Variants in FBN3 observed in about 807,000 individuals in gnomAD.
FBN3 encodes the protein fibrillin 3.
Under a neutral mutation model 330.1 loss-of-function variants are expected in FBN3, and 234 were observed. The observed-to-expected ratio is 0.71, with a 90% CI of 0.64 to 0.79. The LOEUF (loss-of-function observed/expected upper bound fraction) is 0.79, where lower values mean the gene tolerates loss of function less well. FBN3 is among the 30% of genes least tolerant of loss of function. FBN3 has a pLI of 0.00. For synonymous variants in FBN3, 1,458 were observed against 1,517.3 expected (o/e 0.96, Z 0.91); for missense variants, 3,606 against 3,886.9 (o/e 0.93, Z 1.92).
chr19:8,082,160 G>A (rs1220372114), intron 57 of FBN3, among the ~76,000 whole-genome samples: 3 of 151,672 alleles, frequency 2.0e-5, no homozygotes, highest in Non-Finnish European at 4.4e-5. Flanking sequence ...TAGTAGAGAC[G>A]GTTTCATGAT....
intron 2 of FBN3, 46 bp downstream of exon 2, chr19:8,147,268 C>A (rs780385977): frequency 1.1e-5 from 17 of 1,568,628 alleles, no homozygotes; most frequent in Non-Finnish European, 1.5e-5. Flanking sequence ...CCAGGACAGC[C>A]CAATCCACAC....
At chr19:8,094,327 G>A (rs2082162141) in intron 47 of FBN3, 119 bp downstream of exon 47, 2 of 1,079,744 alleles carry the variant, frequency 1.9e-6, no homozygotes, top group Non-Finnish European at 2.6e-6. Flanking sequence ...AGCTGTGTTT[G>A]ACGCTGCGTT....
At position 8,085,424 on chromosome 19, in the gene FBN3, G is replaced by T; in HGVS notation, c.7026C>A (p.Pro2342=). The T allele has an allele frequency of 6.3e-7, 1 of 1,578,180 alleles. No homozygotes were observed. The highest frequency in any genetic ancestry group is 2.3e-5 in the East Asian group (1 of 43,278). ...WGPRCELCPL[P]GTSAYRKLCP... ...ACAGCTTCCTGTAGGCAGAGGTGCCGGGCAGGGGACAGAGCTCGCAGCGGG... is the reference window on the plus strand; with the variant it reads ...ACAGCTTCCTGTAGGCAGAGGTGCCTGGCAGGGGACAGAGCTCGCAGCGGG... Residue 2342 remains proline (P), a synonymous_variant, in exon 56 of 64, where the codon CCC becomes CCA. Transcript: ENST00000600128.
Position 8,142,039 on chromosome 19 carries a change from C to T in FBN3, c.640G>A (p.Val214Met). The T allele has an allele frequency of 6.2e-7, 1 of 1,614,170 alleles. No homozygotes were observed. Among genetic ancestry groups the T allele is most frequent in the South Asian group, 1.1e-5 (1 of 91,092 alleles). ...VCTKALCCATVGRAWGLPCEL... is the reference protein window; with the variant it reads ...VCTKALCCATMGRAWGLPCEL... ...CATGGAAGGCCCCAGGCACGGCCCA[C>T]AGTGGCACAGCAAAGTGCCTTGGTG... The change falls in exon 7 of 64, where the codon GTG (valine) becomes ATG (methionine). Residue 214 changes from valine (V) to methionine (M), a missense_variant. By Grantham distance (21) the Val-to-Met change is conservative. Transcript: ENST00000600128.
At chr19:8,089,749 G>T (rs753364098) in intron 50 of FBN3, 79 bp from the exon 51 acceptor site, 1 of 1,583,436 alleles carries the variant, frequency 6.3e-7, no homozygotes, top group Non-Finnish European at 8.6e-7. Flanking sequence ...AAGGCCCCAA[G>T]GGGACAAAAG....
rs758922444 is a variant in FBN3, at chr19:8,097,416, T to C, written c.5162-2A>G. 4 of 1,583,088 alleles carry C rather than the reference T, an allele frequency of 2.5e-6. No individual in the cohort carries two copies. The highest frequency in any genetic ancestry group is 3.5e-6 in the Non-Finnish European group (4 of 1,154,722). On this transcript the variant is annotated splice_acceptor_variant, in intron 41 of 63. Transcript: ENST00000600128. LOFTEE classifies it high-confidence loss of function. Reference sequence around the variant, plus strand: ...GGATCTCCCCACACTCATCAATGTCTGCAGAAGGCATCTGCCATCAGGGGC... The same window carrying C: ...GGATCTCCCCACACTCATCAATGTCCGCAGAAGGCATCTGCCATCAGGGGC...
rs35033566 is a variant in FBN3, at chr19:8,089,876, T to C, written c.6250+18A>G. ...GGTGGCCCAGAAGGGGCTCTTAGCA[T>C]GTGGGTGAGGGGCTCACCTTCTCGG... is the stretch of plus-strand genomic sequence containing the variant. On this transcript the variant is annotated intron_variant, in intron 50 of 63. Coordinates refer to ENST00000600128, the MANE Select transcript of FBN3 (RefSeq NM_032447.5). 684,921 of 1,580,514 alleles carry C rather than the reference T, an allele frequency of 0.43. 153,269 individuals carry two copies. The highest frequency in any genetic ancestry group is 0.46 in the Non-Finnish European group (538,180 of 1,163,932).
Position 8,097,281 on chromosome 19 carries a change from G to A in FBN3, c.5287+8C>T, listed in dbSNP as rs1420744018. 2.5e-6 allele frequency: 4 copies of A among 1,602,544 alleles called. No individual in the cohort carries two copies. The highest frequency in any genetic ancestry group is 3.4e-6 in the Non-Finnish European group (4 of 1,171,670). On this transcript the variant is annotated splice_region_variant and intron_variant, in intron 42 of 63. Transcript: ENST00000600128. ...GGCCCCAGGGCTGGGAACAGGGAGA[G>A]GTGGCACCTTCACAAGCCAGCAGGA...
chr19:8,111,337 C>T (rs113719893), intron 32 of FBN3, among the ~76,000 whole-genome samples, 154 bp from the exon 33 acceptor site: 18 of 152,114 alleles, frequency 1.2e-4, no homozygotes, highest in African/African-American at 2.4e-4. Flanking sequence ...GGGTGGGAGG[C>T]GAGTGACCGA....
At chr19:8,133,668 A>G (rs994444366) in intron 13 of FBN3, among the ~76,000 whole-genome samples, 15 of 151,750 alleles carry the variant, frequency 9.9e-5, no homozygotes, top group South Asian at 2.1e-4. Context: ...TGGCCAGGCT[A>G]GTCTTGAACT....
At chr19:8,120,429 CA>C (rs887387511) in intron 25 of FBN3, among the ~76,000 whole-genome samples, 1 of 151,782 alleles carries the variant, frequency 6.6e-6, no homozygotes, top group Non-Finnish European at 1.5e-5. Flanking sequence ...CTCAGCCTCC[CA>C]AAGTGCTGGG....
chr19:8,130,187 C>T (rs184946936), intron 16 of FBN3, among the ~76,000 whole-genome samples: 82 of 151,748 alleles, frequency 5.4e-4, no homozygotes, highest in African/African-American at 1.9e-3. Context: ...CGTGAGCCAC[C>T]GCATCTGGCC....
chr19:8,129,062 G>GC lies in FBN3; in HGVS notation c.2261dup (p.Phe755LeufsTer68). 1 of 1,613,430 alleles carries GC rather than the reference G, an allele frequency of 6.2e-7. No individual in the cohort carries two copies. Among genetic ancestry groups the GC allele is most frequent in the Non-Finnish European group, 8.5e-7 (1 of 1,179,924 alleles). ...TCTCCGTGTCCTGCCAGAAGTGGAA[G>GC]CCGGGGGGGCAGGAGCAGCTGTAGC... is the stretch of plus-strand genomic sequence containing the variant. On this transcript the variant is annotated frameshift_variant, in exon 18 of 64. Transcript: ENST00000600128. LOFTEE classifies it high-confidence loss of function. This position sits in a 1 kb window ranked among gnomAD's most constrained non-coding sequence, Gnocchi z 4.5.
intron 26 of FBN3, among the ~76,000 whole-genome samples, chr19:8,117,825 A>T (rs535947645): frequency 6.6e-6 from 1 of 152,118 alleles, no homozygotes; most frequent in South Asian, 2.1e-4. Context: ...ACTCACAAAC[A>T]CACCCTGGCA....
In FBN3 at chr19:8,109,804, CT is replaced by C. The variant is rs1334971449; in HGVS notation, c.4334-52del. ...GCAGGGAGCCCCTTCCTCGGCCCCC[CT>C]CCCTCCTAGCTTCATCCTGGGAAGC... is the stretch of plus-strand genomic sequence containing the variant. On this transcript the variant is annotated intron_variant, in intron 34 of 63. Transcript: ENST00000600128. The surrounding 1 kb of genome is among the most constrained non-coding windows in gnomAD (Gnocchi z 5.2). The C allele has an allele frequency of 6.9e-7, 1 of 1,446,972 alleles. No homozygotes were observed. Among genetic ancestry groups the C allele is most frequent in the Non-Finnish European group, 9.1e-7 (1 of 1,099,376 alleles). 89.6% of individuals were successfully genotyped at this position (1,446,972 alleles called of 1,614,324 possible). A position where few individuals can be genotyped will look rare whatever the true frequency, so the allele number is the denominator to read the frequency against.
chr19:8,083,294 T>C lies in FBN3; in HGVS notation c.7166A>G (p.His2389Arg). The C allele has an allele frequency of 6.2e-7, 1 of 1,614,110 alleles. No individual in the cohort carries two copies. Among genetic ancestry groups the C allele is most frequent in the East Asian group, 2.2e-5 (1 of 44,874 alleles). Reference protein sequence around the residue: ...CINSLGSFRCHCQAGYTPDAT... With the variant: ...CINSLGSFRCRCQAGYTPDAT... ...ATCCGGTGTGTACCCGGCCTGACAG[T>C]GGCAGCGGAAGGAGCCAAGGCTGTT... Residue 2389 changes from histidine to arginine, a missense_variant, in exon 57 of 64, where the codon CAC becomes CGC. By Grantham distance (29) the His-to-Arg change is conservative. Coordinates refer to ENST00000600128, the MANE Select transcript of FBN3 (RefSeq NM_032447.5).
intron 4 of FBN3, 71 bp downstream of exon 4, chr19:8,146,056 C>G (rs2083536403): frequency 6.6e-7 from 1 of 1,513,012 alleles, no homozygotes. Flanking sequence ...CAAAAGCAGC[C>G]CAGGCTCCTC....
At chr19:8,113,587 T>C (rs1217174064) in intron 30 of FBN3, among the ~76,000 whole-genome samples, 1 of 152,072 alleles carries the variant, frequency 6.6e-6, no homozygotes, top group Non-Finnish European at 1.5e-5. Context: ...TAGTCCCAGA[T>C]ACTCAGGAGG....
At chr19:8,068,931 C>T (rs2081451976) in intron 63 of FBN3, among the ~76,000 whole-genome samples, 1 of 152,040 alleles carries the variant, frequency 6.6e-6, no homozygotes, top group South Asian at 2.1e-4. Flanking sequence ...CCCCTGCCAG[C>T]CTGGGCCAAA....
Sources: allele counts gnomAD v4.1 joint callset (sites outside exome capture counted in the v4.1 genomes callset), GRCh38; gene constraint gnomAD v4.1.1; non-coding constraint Gnocchi (gnomAD v3.1); transcripts MANE v1.5; gene names NCBI Gene and HGNC (gene_info 2026-07-23, HGNC 2026-07-21).